Variants in GLDC observed in about 807,000 individuals in gnomAD.
GLDC encodes the protein glycine dehydrogenase (decarboxylating), mitochondrial.
Under a neutral mutation model 121.3 loss-of-function variants are expected in GLDC, and 104 were observed. The observed-to-expected ratio is 0.86, with a 90% confidence interval of 0.73 to 1.01. The LOEUF (loss-of-function observed/expected upper bound fraction) is 1.01, where lower values mean the gene tolerates loss of function less well. Ranked by LOEUF, GLDC falls within the 50% of genes least tolerant of loss-of-function variation. The probability of loss-of-function intolerance (pLI) is 0.00; values close to 1 mark genes in which losing one functional copy is unlikely to be tolerated. For synonymous variants in GLDC, 546 were observed against 480.6 expected (o/e 1.14, Z -1.78); for missense variants, 1,429 against 1,306.6 (o/e 1.09, Z -1.44).
At chr9:6,644,161 T>C (rs115941901) in intron 2 of GLDC, among the ~76,000 whole-genome samples, 2,391 of 150,468 alleles carry the variant, frequency 0.016, 70 homozygotes, top group African/African-American at 0.056. Flanking sequence ...AATTGGAAGA[T>C]ACTGCGATCT....
At chr9:6,584,384 A>C (rs148925948) in intron 15 of GLDC, among the ~76,000 whole-genome samples, 61 of 152,342 alleles carry the variant, frequency 4.0e-4, no homozygotes, top group Non-Finnish European at 7.5e-4. Context: ...ACGTGCATAT[A>C]GGTCCCCTAG....
At chr9:6,627,361 C>A (rs942843797) in intron 2 of GLDC, among the ~76,000 whole-genome samples, 1 of 150,318 alleles carries the variant, frequency 6.7e-6, no homozygotes, top group Non-Finnish European at 1.5e-5. Flanking sequence ...ATCTGTAAGA[C>A]CCAGAAGCAT....
At chr9:6,623,883 C>A (rs557634122) in intron 2 of GLDC, among the ~76,000 whole-genome samples, 5 of 152,192 alleles carry the variant, frequency 3.3e-5, no homozygotes, top group African/African-American at 1.2e-4. Flanking sequence ...ATGATTCAGA[C>A]GCCCAGTAGG....
rs1436418875 is a variant in GLDC at position 6,629,951 on chromosome 9, A to ATTT, written c.335-9633_335-9632insAAA. Among the ~76,000 whole-genome samples, 379 of 74,200 alleles carry ATTT rather than the reference A, an allele frequency of 5.1e-3. 20 individuals carry two copies. Among genetic ancestry groups the ATTT allele is most frequent in the African/African-American group, 0.027 (301 of 11,338 alleles). 48.7% of individuals were successfully genotyped at this position (74,200 alleles called of 152,430 possible). ...TCACTATATATATATATATGTATAT[A>ATTT]TATATATTTTTTTTTTTTAAGAGAG... On this transcript the variant is annotated intron_variant, in intron 2 of 24. Transcript: ENST00000321612.
chr9:6,636,197 A>G (rs1587983464), intron 2 of GLDC, among the ~76,000 whole-genome samples: 1 of 152,040 alleles, frequency 6.6e-6, no homozygotes, highest in Admixed American at 6.6e-5. Flanking sequence ...TCGCCTACTC[A>G]GGAAGCTGAG....
intron 15 of GLDC, among the ~76,000 whole-genome samples, chr9:6,567,672 AGATT>A (rs1370096393): frequency 2.6e-5 from 4 of 152,238 alleles, no homozygotes; most frequent in African/African-American, 7.2e-5. Context: ...AATATTTGAT[AGATT>A]GATTAAAGAA....
intron 2 of GLDC, among the ~76,000 whole-genome samples, chr9:6,625,501 C>T (rs2578272): frequency 0.57 from 86,893 of 151,970 alleles, 25,832 homozygotes; most frequent in African/African-American, 0.73. Context: ...TAAGTGAAAC[C>T]GCTAAGGTAA....
chr9:6,597,355 A>G lies in GLDC; in HGVS notation c.1156-2236T>C, dbSNP rs192452274. Among the ~76,000 whole-genome samples the G allele has an allele frequency of 3.6e-3, 552 of 152,314 alleles. 23 individuals are homozygous for G. Among genetic ancestry groups the G allele is most frequent in the Admixed American group, 0.033 (507 of 15,292 alleles). ...AAAACCATTGAGCTGTATACTTGCA[A>G]TTGGTGAAACTTACGGTGAGTTACA... On this transcript the variant is annotated intron_variant, in intron 8 of 24. Coordinates refer to ENST00000321612, the MANE Select transcript of GLDC (RefSeq NM_000170.3).
chr9:6,594,019 G>A (rs1290076216), intron 9 of GLDC, among the ~76,000 whole-genome samples: 1 of 151,692 alleles, frequency 6.6e-6, no homozygotes, highest in Non-Finnish European at 1.5e-5. Context: ...TAGAGATGTG[G>A]TCTCGCTCTT....
chr9:6,612,469 C>G (rs1272025933), intron 3 of GLDC, among the ~76,000 whole-genome samples: 2 of 152,100 alleles, frequency 1.3e-5, no homozygotes, highest in Non-Finnish European at 2.9e-5. Flanking sequence ...CATGGTGGCT[C>G]ACACCTGTAA....
chr9:6,581,341 C>A (rs1169358216), intron 15 of GLDC, among the ~76,000 whole-genome samples: 2 of 152,194 alleles, frequency 1.3e-5, no homozygotes, highest in African/African-American at 2.4e-5. Context: ...ACTAATACAA[C>A]CTTTTCCAGC....
intron 7 of GLDC, among the ~76,000 whole-genome samples, chr9:6,604,053 T>G (rs936692227): frequency 6.6e-6 from 1 of 152,072 alleles, no homozygotes; most frequent in South Asian, 2.1e-4. Flanking sequence ...TTTCTTTTTT[T>G]TTTAAGGAAC....
Position 6,589,980 on chromosome 9 carries a change from G to C in GLDC, c.1483-688C>G, listed in dbSNP as rs1004312028. Reference sequence around the variant, plus strand: ...TGAGGCAGGAGAATGGCGTGAACCTGGGAGGTGGAGTTTGCAGTGAGCTGA... The same window carrying C: ...TGAGGCAGGAGAATGGCGTGAACCTCGGAGGTGGAGTTTGCAGTGAGCTGA... On this transcript the variant is annotated intron_variant, in intron 11 of 24. Transcript: ENST00000321612. Among the ~76,000 whole-genome samples, 8 of 151,864 alleles carry C rather than the reference G, an allele frequency of 5.3e-5. No individual in the cohort carries two copies. In the East Asian group the frequency reaches 1.6e-3, roughly 30 times the overall value.
At chr9:6,533,820 T>G (rs1445756602) in intron 24 of GLDC, among the ~76,000 whole-genome samples, 1 of 150,758 alleles carries the variant, frequency 6.6e-6, no homozygotes, top group African/African-American at 2.4e-5. Flanking sequence ...ATGGTGCCAT[T>G]GCACTCCAGC....
Position 6,533,147 on chromosome 9 carries a change from G to C in GLDC, c.2933C>G (p.Pro978Arg). ...VAAFPLPFVK[P>R]ENKFWPTIAR... ...AATCGTTGGCCAGAATTTGTTCTCT[G>C]GTTTCACGAAGGGCTGCAAAGGACA... The change falls in exon 25 of 25, where the codon CCA becomes CGA. Residue 978 changes from proline (P) to arginine (R), a missense_variant. Coordinates refer to ENST00000321612, the MANE Select transcript of GLDC (RefSeq NM_000170.3). 2 of 1,613,626 alleles carry C rather than the reference G, an allele frequency of 1.2e-6. No individual in the cohort carries two copies. The highest frequency in any genetic ancestry group is 1.7e-6 in the Non-Finnish European group (2 of 1,179,614).
intron 21 of GLDC, among the ~76,000 whole-genome samples, chr9:6,550,233 C>T (rs1246389005): frequency 6.6e-6 from 1 of 152,186 alleles, no homozygotes; most frequent in African/African-American, 2.4e-5. Context: ...TATTTATGTA[C>T]ACATTTCAGT....
chr9:6,639,511 G>A, intron 2 of GLDC: 1 of 830,218 alleles, frequency 1.2e-6, no homozygotes, highest in African/African-American at 1.6e-5. Flanking sequence ...GTGGCCAAGG[G>A]CAACACCCTG....
At chr9:6,538,258 A>C (rs984547661) in intron 22 of GLDC, among the ~76,000 whole-genome samples, 11 of 152,302 alleles carry the variant, frequency 7.2e-5, no homozygotes, top group African/African-American at 2.6e-4. Flanking sequence ...AAATTCCTGC[A>C]TCTGGGCCCT....
chr9:6,587,629 G>T (rs1293666719), intron 14 of GLDC, among the ~76,000 whole-genome samples: 2 of 152,166 alleles, frequency 1.3e-5, no homozygotes, highest in Non-Finnish European at 2.9e-5. Flanking sequence ...GCAATAGATT[G>T]TTCTCTTTCT....
Sources: gnomAD v4.1 joint callset for allele counts (sites outside exome capture counted in the v4.1 genomes callset) on GRCh38, gnomAD v4.1.1 for gene constraint, MANE v1.5 for transcripts, NCBI Gene and HGNC (gene_info 2026-07-23, HGNC 2026-07-21) for gene names.